The following TNRC6A variants were observed in gnomAD, a reference collection of about 807,000 sequenced individuals.
The protein encoded by TNRC6A is trinucleotide repeat containing adaptor 6A.
TNRC6A carries 44 observed loss-of-function variants against 221.2 expected under a neutral mutation model. The observed-to-expected ratio is 0.20, with a 90% CI of 0.16 to 0.26. TNRC6A has a LOEUF of 0.26. Ranked by LOEUF, TNRC6A falls within the 10% of genes least tolerant of loss-of-function variation. TNRC6A has a pLI of 1.00. For missense variants in TNRC6A, 2,199 were observed against 2,404.4 expected (o/e 0.91, Z 1.79); for synonymous variants, 847 against 838.5 (o/e 1.01, Z -0.18).
chr16:24,776,833 T>A, intron 4 of TNRC6A, 100 bp from the exon 5 acceptor site: 1 of 1,516,040 alleles, frequency 6.6e-7, no homozygotes, highest in Non-Finnish European at 8.8e-7. Flanking sequence ...TCTGTTTTTT[T>A]AGGATTATTT....
chr16:24,701,367 T>C lies in TNRC6A; in HGVS notation n.403-49359T>C, dbSNP rs202246753. Reference sequence around the variant, plus strand: ...CCCACCCACCTTACTAACTTTTTTTTCTTTTTTTTTTTTTTTGAGACGGAG... The same window carrying C: ...CCCACCCACCTTACTAACTTTTTTTCCTTTTTTTTTTTTTTTGAGACGGAG... On this transcript the variant is annotated intron_variant and non_coding_transcript_variant, in intron 2 of 2. Transcript: ENST00000566108. Among the ~76,000 whole-genome samples the C allele has an allele frequency of 2.4e-3, 316 of 130,918 alleles. 1 individual carries two copies. The highest frequency in any genetic ancestry group is 3.0e-3 in the African/African-American group (87 of 29,086). The allele number at this position is 130,918 out of a possible 152,430, so 85.9% of individuals were successfully genotyped here. A position where few individuals can be genotyped will look rare whatever the true frequency, so the allele number is the denominator to read the frequency against.
intron 2 of TNRC6A, among the ~76,000 whole-genome samples, chr16:24,669,770 T>C (rs535936294): frequency 2.0e-5 from 3 of 151,726 alleles, no homozygotes; most frequent in Admixed American, 6.6e-5. Flanking sequence ...TAACAGTACT[T>C]GTTTTAGTAG....
In TNRC6A at chr16:24,750,712, A is replaced by C. The variant is rs1371426134; in HGVS notation, c.54-14A>C. The C allele has an allele frequency of 6.6e-7, 1 of 1,511,130 alleles. No individual in the cohort carries two copies. The allele number at this position is 1,511,130 out of a possible 1,614,324, so 93.6% of individuals were successfully genotyped here. Reference sequence around the variant, plus strand: ...ATACATTTTGGGAAACTTAATTGCAACTGTGTGGTTCAGGGATTTAGTGCA... The same window carrying C: ...ATACATTTTGGGAAACTTAATTGCACCTGTGTGGTTCAGGGATTTAGTGCA... On this transcript the variant is annotated splice_polypyrimidine_tract_variant and intron_variant, in intron 2 of 24. Coordinates refer to ENST00000395799, the MANE Select transcript of TNRC6A (RefSeq NM_014494.4).
chr16:24,719,942 G>A (rs958937428), intron 2 of TNRC6A, among the ~76,000 whole-genome samples: 5 of 152,136 alleles, frequency 3.3e-5, no homozygotes, highest in African/African-American at 1.2e-4. Flanking sequence ...ATATAACTGG[G>A]AGGGAGACCT....
Position 24,777,351 on chromosome 16 carries a change from C to G in TNRC6A, c.582C>G (p.Asn194Lys). The part of the protein sequence containing the change: ...QNNGEVQNSK[N>K]QSDINHSTSG... ...ACGGAGAGGTGCAGAACAGCAAAAA[C>G]CAGTCAGGTGAGAGAAGGCATTTCT... is the stretch of plus-strand genomic sequence containing the variant. Residue 194 changes from asparagine (N) to lysine (K), a missense_variant, in exon 5 of 25, where the codon AAC (asparagine) becomes AAG (lysine). Physicochemically the swap from Asn to Lys is moderately conservative, Grantham distance 94. Coordinates refer to ENST00000395799, the MANE Select transcript of TNRC6A (RefSeq NM_014494.4). 1 of 1,607,916 alleles carries G rather than the reference C, an allele frequency of 6.2e-7. No homozygotes were observed. Among genetic ancestry groups the G allele is most frequent in the Non-Finnish European group, 8.5e-7 (1 of 1,178,454 alleles).
intron 2 of TNRC6A, among the ~76,000 whole-genome samples, chr16:24,703,119 G>A (rs938240678): frequency 1.3e-5 from 2 of 152,040 alleles, no homozygotes; most frequent in Admixed American, 1.3e-4. Flanking sequence ...ACAGAGTTGT[G>A]CAACCATCAC....
At position 24,695,458 on chromosome 16, in the gene TNRC6A, G is replaced by A. The variant is rs190796433; in HGVS notation, n.402+54449G>A. Among the ~76,000 whole-genome samples the A allele has an allele frequency of 2.0e-3, 302 of 152,134 alleles. 3 individuals are homozygous for A. Among genetic ancestry groups the A allele is most frequent in the South Asian group, 1.7e-3 (8 of 4,812 alleles). Reference sequence around the variant, plus strand: ...TCTGTCACCCAGGCTGGAGTACAGTGGCGCAATCTTGGCTCACTGCAACCT... The same window carrying A: ...TCTGTCACCCAGGCTGGAGTACAGTAGCGCAATCTTGGCTCACTGCAACCT... On this transcript the variant is annotated intron_variant and non_coding_transcript_variant, in intron 2 of 2. Coordinates refer to the TNRC6A transcript ENST00000566108.
chr16:24,672,192 G>A (rs1391872151), intron 2 of TNRC6A, among the ~76,000 whole-genome samples: 2 of 152,126 alleles, frequency 1.3e-5, no homozygotes, highest in Non-Finnish European at 2.9e-5. Flanking sequence ...CGTGATCTCG[G>A]CTCACTGCAA....
At chr16:24,815,548 C>T (rs1369315770) in intron 19 of TNRC6A, 1 of 501,768 alleles carries the variant, frequency 2.0e-6, no homozygotes, top group Non-Finnish European at 3.6e-6. Flanking sequence ...CATTGACCAG[C>T]ATGAAGAATT....
At chr16:24,642,232 A>T (rs1901987609) in intron 2 of TNRC6A, among the ~76,000 whole-genome samples, 1 of 152,218 alleles carries the variant, frequency 6.6e-6, no homozygotes, top group South Asian at 2.1e-4. Context: ...TAAGCAGGTC[A>T]TCAGACTCCA....
At chr16:24,786,362 G>C (rs2057968914) in intron 5 of TNRC6A, among the ~76,000 whole-genome samples, 1 of 151,026 alleles carries the variant, frequency 6.6e-6, no homozygotes, top group Non-Finnish European at 1.5e-5. Context: ...GTCTTGCTTT[G>C]TTGCCCAGGC....
chr16:24,786,404 C>A (rs2057969886), intron 5 of TNRC6A, among the ~76,000 whole-genome samples: 3 of 151,990 alleles, frequency 2.0e-5, no homozygotes, highest in Admixed American at 2.0e-4. Context: ...TGGCTCACTG[C>A]AAGCTCTGCT....
At chr16:24,695,189 G>A (rs1403343738) in intron 2 of TNRC6A, among the ~76,000 whole-genome samples, 1 of 152,022 alleles carries the variant, frequency 6.6e-6, no homozygotes, top group Non-Finnish European at 1.5e-5. Context: ...TGAAGAAAAC[G>A]AAACTCTGGG....
chr16:24,823,068 G>T lies in TNRC6A; in HGVS notation c.5513+55G>T. ...AGAGTCTAGGGGAAGGAGTGTGAGA[G>T]CACAGCCTGACCCGGGGCAGTGCAC... On this transcript the variant is annotated intron_variant, in intron 24 of 24. Transcript: ENST00000395799. The surrounding 1 kb of genome is among the most constrained non-coding windows in gnomAD (Gnocchi z 4.3). 1 of 1,611,016 alleles carries T rather than the reference G, an allele frequency of 6.2e-7. No individual in the cohort carries two copies. Among genetic ancestry groups the T allele is most frequent in the Non-Finnish European group, 8.5e-7 (1 of 1,178,088 alleles).
At chr16:24,705,854 G>A (rs1233348631) in intron 2 of TNRC6A, among the ~76,000 whole-genome samples, 4 of 152,032 alleles carry the variant, frequency 2.6e-5, no homozygotes, top group Non-Finnish European at 5.9e-5. Context: ...TATTATTCTA[G>A]GTATATAAAG....
intron 1 of TNRC6A, among the ~76,000 whole-genome samples, chr16:24,635,078 C>CTTTCTTTCT (rs1901557761): frequency 6.6e-6 from 1 of 150,724 alleles, no homozygotes; most frequent in Non-Finnish European, 1.5e-5. Context: ...CTTTCTTTTT[C>CTTTCTTTCT]TTTCTTTCTT....
intron 2 of TNRC6A, among the ~76,000 whole-genome samples, chr16:24,675,502 G>A (rs1385510500): frequency 6.6e-6 from 1 of 151,532 alleles, no homozygotes; most frequent in Admixed American, 6.6e-5. Context: ...CCAACATGGT[G>A]AAACCCATCT....
intron 1 of TNRC6A, among the ~76,000 whole-genome samples, chr16:24,640,635 A>G (rs1446125328): frequency 6.6e-6 from 1 of 151,454 alleles, no homozygotes; most frequent in Non-Finnish European, 1.5e-5. Context: ...AGGCTGTGGC[A>G]GGAGGATCGC....
chr16:24,652,713 G>A (rs532877410), intron 2 of TNRC6A, among the ~76,000 whole-genome samples: 2 of 152,148 alleles, frequency 1.3e-5, no homozygotes, highest in East Asian at 3.8e-4. Flanking sequence ...GAATAAGAGG[G>A]GGAAAGATCT....
Sources: allele counts gnomAD v4.1 joint callset (sites outside exome capture counted in the v4.1 genomes callset), GRCh38; gene constraint gnomAD v4.1.1; non-coding constraint Gnocchi (gnomAD v3.1); transcripts MANE v1.5; gene names NCBI Gene and HGNC (gene_info 2026-07-23, HGNC 2026-07-21).